The following CSMD1 variants were observed in gnomAD, a reference collection of about 807,000 sequenced individuals.
CSMD1 encodes CUB and Sushi multiple domains 1.
A neutral mutation model predicts 417.5 loss-of-function variants in CSMD1; 213 were observed. The ratio of observed to expected loss-of-function variants is 0.51; its 90% CI spans 0.46 to 0.57. CSMD1 has a LOEUF of 0.57. Ranked by LOEUF, CSMD1 falls within the 20% of genes least tolerant of loss-of-function variation. The pLI, the probability that CSMD1 is intolerant of heterozygous loss-of-function variation, is 0.00. For synonymous variants in CSMD1, 2,862 were observed against 1,736.8 expected (o/e 1.65, Z -16.11); for missense variants, 6,923 against 4,529.7 (o/e 1.53, Z -15.17).
At chr8:4,655,650 A>C (rs1411316476) in intron 1 of CSMD1, among the ~76,000 whole-genome samples, 1 of 152,130 alleles carries the variant, frequency 6.6e-6, no homozygotes, top group Non-Finnish European at 1.5e-5. Flanking sequence ...TAATCACCTT[A>C]ATCATTTAGA....
At chr8:3,063,990 C>T (rs377625356) in intron 49 of CSMD1, among the ~76,000 whole-genome samples, 16 of 152,244 alleles carry the variant, frequency 1.1e-4, no homozygotes, top group East Asian at 5.8e-4. Flanking sequence ...CACAGATGCA[C>T]GGTCATTAGG....
chr8:4,059,670 C>T lies in CSMD1; in HGVS notation c.416-27571G>A, dbSNP rs185279874. Among the ~76,000 whole-genome samples, 151 of 152,012 alleles carry T rather than the reference C, an allele frequency of 9.9e-4. 1 individual carries two copies. Among genetic ancestry groups the T allele is most frequent in the South Asian group, 6.2e-3 (30 of 4,812 alleles). On this transcript the variant is annotated intron_variant, in intron 3 of 69. Coordinates refer to ENST00000635120, the MANE Select transcript of CSMD1 (RefSeq NM_033225.6). ...TCAGAGAATACTACAAACACCTCTACGCAAATAAACTAGAAAATCTAGAAG... is the reference window on the plus strand; with the variant it reads ...TCAGAGAATACTACAAACACCTCTATGCAAATAAACTAGAAAATCTAGAAG...
chr8:4,338,634 T>C (rs1353442219), intron 3 of CSMD1, among the ~76,000 whole-genome samples: 1 of 152,108 alleles, frequency 6.6e-6, no homozygotes, highest in Non-Finnish European at 1.5e-5. Context: ...GGTCCATAAA[T>C]TTAGCTGTCA....
intron 2 of CSMD1, among the ~76,000 whole-genome samples, chr8:4,463,698 C>G (rs1407047111): frequency 6.6e-6 from 1 of 152,092 alleles, no homozygotes; most frequent in East Asian, 1.9e-4. Flanking sequence ...CAGAATAGGC[C>G]AATCCCTAGA....
chr8:4,007,777 T>C lies in CSMD1; in HGVS notation c.611-9667A>G, dbSNP rs532205919. Among the ~76,000 whole-genome samples the C allele has an allele frequency of 2.4e-3, 358 of 152,300 alleles. 3 individuals are homozygous for C. The highest frequency in any genetic ancestry group is 8.3e-3 in the African/African-American group (343 of 41,562). The stretch of plus-strand genomic sequence containing the variant: ...CCTCTATTCATTTGTCTTTAACAAG[T>C]GTTGGGACTATGACAAAATATATTT... On this transcript the variant is annotated intron_variant, in intron 4 of 69. Coordinates refer to ENST00000635120, the MANE Select transcript of CSMD1 (RefSeq NM_033225.6).
intron 11 of CSMD1, among the ~76,000 whole-genome samples, chr8:3,490,920 T>G (rs1000901864): frequency 3.9e-5 from 6 of 152,214 alleles, no homozygotes; most frequent in Admixed American, 2.6e-4. Context: ...AGTCATTATT[T>G]GGCAAGGGTG....
rs376477676 is a variant in CSMD1 at position 4,099,853 on chromosome 8, T to C, written c.416-67754A>G. Among the ~76,000 whole-genome samples the C allele has an allele frequency of 2.5e-4, 38 of 152,262 alleles. 1 individual carries two copies. Among genetic ancestry groups the C allele is most frequent in the African/African-American group, 8.4e-4 (35 of 41,560 alleles). ...ATCTTGCTCCCTTAGAACATCCTTC[T>C]TTTCCGTTTATTTAAGTTTTAGTTG... On this transcript the variant is annotated intron_variant, in intron 3 of 69. Coordinates refer to ENST00000635120, the MANE Select transcript of CSMD1 (RefSeq NM_033225.6).
intron 1 of CSMD1, among the ~76,000 whole-genome samples, chr8:4,852,702 G>A (rs1295296756): frequency 2.0e-5 from 3 of 152,126 alleles, no homozygotes; most frequent in Non-Finnish European, 2.9e-5. Flanking sequence ...GGAAGATGAG[G>A]GAAAGTTTGG....
chr8:3,386,097 G>C (rs1262876078), intron 18 of CSMD1, among the ~76,000 whole-genome samples: 2 of 152,062 alleles, frequency 1.3e-5, no homozygotes, highest in Admixed American at 6.5e-5. Flanking sequence ...AATTACCTTG[G>C]TGCTTACACC....
At chr8:4,285,467 T>C (rs1441008059) in intron 3 of CSMD1, among the ~76,000 whole-genome samples, 1 of 152,122 alleles carries the variant, frequency 6.6e-6, no homozygotes, top group African/African-American at 2.4e-5. Context: ...TATGAAATAA[T>C]ACAGAAAAAA....
chr8:3,169,759 G>C (rs1475143644), intron 37 of CSMD1, among the ~76,000 whole-genome samples: 1 of 152,152 alleles, frequency 6.6e-6, no homozygotes, highest in Non-Finnish European at 1.5e-5. Context: ...ATATAGCACG[G>C]TTTCTTTTCA....
chr8:3,452,483 T>C (rs1585185760), intron 12 of CSMD1, among the ~76,000 whole-genome samples: 1 of 152,216 alleles, frequency 6.6e-6, no homozygotes, highest in East Asian at 1.9e-4. Context: ...TATTTTGACA[T>C]ACATCCCATC....
intron 1 of CSMD1, among the ~76,000 whole-genome samples, chr8:4,881,068 G>T (rs1487436356): frequency 2.0e-5 from 3 of 151,764 alleles, no homozygotes; most frequent in Non-Finnish European, 2.9e-5. Flanking sequence ...TTTCCTAGAG[G>T]ACTCTGCCAG....
intron 6 of CSMD1, among the ~76,000 whole-genome samples, chr8:3,743,905 C>T (rs1454560849): frequency 1.3e-5 from 2 of 152,140 alleles, no homozygotes; most frequent in Admixed American, 6.5e-5. Context: ...TTCCTCTGCA[C>T]CATTTGTCTT....
At chr8:3,662,110 T>G (rs924325111) in intron 7 of CSMD1, among the ~76,000 whole-genome samples, 5 of 152,148 alleles carry the variant, frequency 3.3e-5, no homozygotes, top group African/African-American at 1.2e-4. Flanking sequence ...GGGACATTAG[T>G]GGAACACCAG....
At chr8:3,995,007 G>A (rs1033635140) in intron 5 of CSMD1, among the ~76,000 whole-genome samples, 1 of 152,086 alleles carries the variant, frequency 6.6e-6, no homozygotes, top group African/African-American at 2.4e-5. Context: ...GGAAGAGGTC[G>A]CAGCACCCAC....
At chr8:4,206,043 A>T (rs1190472382) in intron 3 of CSMD1, among the ~76,000 whole-genome samples, 1 of 152,068 alleles carries the variant, frequency 6.6e-6, no homozygotes, top group Non-Finnish European at 1.5e-5. Context: ...TCCATGCCAT[A>T]AATCTTCCCT....
intron 7 of CSMD1, among the ~76,000 whole-genome samples, chr8:3,657,708 TA>T (rs1013642524): frequency 2.4e-4 from 37 of 151,970 alleles, no homozygotes; most frequent in Admixed American, 2.1e-3. Context: ...GGTAGGGGGC[TA>T]GGGGAGGGGT....
chr8:3,504,079 C>T (rs1796722415), intron 10 of CSMD1, among the ~76,000 whole-genome samples: 1 of 151,888 alleles, frequency 6.6e-6, no homozygotes, highest in Admixed American at 6.6e-5. Context: ...TTCAAAATAG[C>T]AAGAAAACAG....
Sources: gnomAD v4.1 joint callset for allele counts (sites outside exome capture counted in the v4.1 genomes callset) on GRCh38, gnomAD v4.1.1 for gene constraint, MANE v1.5 for transcripts, NCBI Gene and HGNC (gene_info 2026-07-23, HGNC 2026-07-21) for gene names.